NTRK2: variants seen among roughly 807,000 people sequenced by gnomAD.
The protein encoded by NTRK2 is BDNF/NT-3 growth factors receptor.
Under a neutral mutation model 94.5 loss-of-function variants are expected in NTRK2, and 13 were observed. That is an observed-to-expected ratio of 0.14 (90% CI 0.09 to 0.22). The LOEUF (loss-of-function observed/expected upper bound fraction) is 0.22. NTRK2 is among the 10% of genes least tolerant of loss of function. The pLI, the probability that NTRK2 is intolerant of heterozygous loss-of-function variation, is 1.00. For synonymous variants in NTRK2, 372 were observed against 407.4 expected, an observed-to-expected ratio of 0.91 and a Z score of 1.05; for missense variants, 639 against 1,071.2, an observed-to-expected ratio of 0.60 and a Z score of 5.63.
intron 15 of NTRK2, among the ~76,000 whole-genome samples, chr9:84,936,426 G>T (rs1452903131): frequency 3.9e-5 from 6 of 152,166 alleles, no homozygotes; most frequent in Non-Finnish European, 2.9e-5. Flanking sequence ...AGCTGGGTTG[G>T]CATTAAAAGA....
At chr9:84,895,137 A>T (rs1167441861) in intron 14 of NTRK2, among the ~76,000 whole-genome samples, 1 of 152,188 alleles carries the variant, frequency 6.6e-6, no homozygotes, top group African/African-American at 2.4e-5. Context: ...TGGACTTCGT[A>T]CTCTTAAAAA....
intron 12 of NTRK2, among the ~76,000 whole-genome samples, chr9:84,857,228 C>T (rs774882670): frequency 6.6e-6 from 1 of 152,094 alleles, no homozygotes; most frequent in Non-Finnish European, 1.5e-5. Flanking sequence ...CTTTCTTCAA[C>T]ATGAGATGGA....
intron 17 of NTRK2, among the ~76,000 whole-genome samples, chr9:85,012,525 A>C (rs1343339627): frequency 6.6e-6 from 1 of 152,122 alleles, no homozygotes; most frequent in African/African-American, 2.4e-5. Context: ...GGAATCACCT[A>C]AGGGTTTTGA....
At chr9:84,710,187 G>T (rs1308672796) in intron 5 of NTRK2, among the ~76,000 whole-genome samples, 3 of 152,142 alleles carry the variant, frequency 2.0e-5, no homozygotes, top group East Asian at 3.8e-4. Context: ...AAATTGTTCT[G>T]CCCCCTGCTG....
chr9:84,972,202 T>A (rs1339903193), intron 17 of NTRK2, among the ~76,000 whole-genome samples: 1 of 152,068 alleles, frequency 6.6e-6, no homozygotes, highest in Non-Finnish European at 1.5e-5. Flanking sequence ...TAGATGAGGA[T>A]AGAGGTTCTA....
intron 12 of NTRK2, among the ~76,000 whole-genome samples, chr9:84,773,477 C>T (rs1339046356): frequency 6.6e-6 from 1 of 152,140 alleles, no homozygotes; most frequent in Non-Finnish European, 1.5e-5. Flanking sequence ...GGGATTAGTG[C>T]GGGGTTCCCT....
intron 12 of NTRK2, among the ~76,000 whole-genome samples, chr9:84,847,767 C>G (rs1208875771): frequency 1.3e-5 from 2 of 152,014 alleles, no homozygotes; most frequent in Non-Finnish European, 2.9e-5. Flanking sequence ...CATAGGTTGC[C>G]TGGGAGTTGG....
chr9:85,020,033 C>T (rs1832645421), intron 17 of NTRK2, among the ~76,000 whole-genome samples, 173 bp from the exon 18 acceptor site: 1 of 152,142 alleles, frequency 6.6e-6, no homozygotes, highest in Non-Finnish European at 1.5e-5. Flanking sequence ...TCACTCTTTG[C>T]CTTCTGTCTC....
At chr9:84,755,319 T>C (rs1315122643) in intron 12 of NTRK2, among the ~76,000 whole-genome samples, 2 of 152,198 alleles carry the variant, frequency 1.3e-5, no homozygotes, top group South Asian at 2.1e-4. Context: ...ATATTTGTGG[T>C]GTTCATCTTT....
At chr9:84,856,217 A>C (rs2075055295) in intron 12 of NTRK2, among the ~76,000 whole-genome samples, 1 of 152,222 alleles carries the variant, frequency 6.6e-6, no homozygotes, top group Non-Finnish European at 1.5e-5. Flanking sequence ...TCAGGAGGAT[A>C]CAATACCCTT....
intron 14 of NTRK2, among the ~76,000 whole-genome samples, chr9:84,911,965 A>T (rs546619689): frequency 6.6e-6 from 1 of 152,230 alleles, no homozygotes; most frequent in East Asian, 1.9e-4. Context: ...ATTTAGCTCA[A>T]TGCAATTTTT....
At chr9:84,867,192 C>A (rs2132054739) in intron 13 of NTRK2, 51 bp from the exon 14 acceptor site, 2 of 1,561,978 alleles carry the variant, frequency 1.3e-6, no homozygotes, top group Non-Finnish European at 1.8e-6. Flanking sequence ...TGAATTACAG[C>A]TCAATAAAGC....
intron 12 of NTRK2, among the ~76,000 whole-genome samples, chr9:84,805,048 C>T (rs2070948696): frequency 6.6e-6 from 1 of 152,160 alleles, no homozygotes; most frequent in Admixed American, 6.5e-5. Context: ...GATGCATTCC[C>T]CATCCTCTGT....
chr9:84,924,588 T>C (rs2077693025), intron 14 of NTRK2, among the ~76,000 whole-genome samples: 1 of 152,196 alleles, frequency 6.6e-6, no homozygotes, highest in African/African-American at 2.4e-5. Flanking sequence ...ATTTTGGCTG[T>C]TCGGGGATGT....
In NTRK2 at chr9:84,857,824, A is replaced by G. The variant is rs79844198; in HGVS notation, c.1397-3216A>G. On this transcript the variant is annotated intron_variant, in intron 12 of 18. Coordinates refer to ENST00000277120, the MANE Select transcript of NTRK2 (RefSeq NM_006180.6). ...GGTAGAGAGTCCAGTTTCCATTCTC[A>G]GATTGATCTATGGGCTCTAGAATTT... Among the ~76,000 whole-genome samples the G allele has an allele frequency of 2.4e-4, 36 of 152,234 alleles. No individual in the cohort carries two copies. In the East Asian group the frequency reaches 5.8e-3, roughly 25 times the overall value.
intron 14 of NTRK2, chr9:84,877,668 C>T: frequency 9.4e-7 from 1 of 1,063,792 alleles, no homozygotes; most frequent in Non-Finnish European, 1.1e-6. Flanking sequence ...AACTTTATTT[C>T]CCTCTCCCAC....
At chr9:84,944,323 C>T (rs942317870) in intron 15 of NTRK2, among the ~76,000 whole-genome samples, 10 of 147,084 alleles carry the variant, frequency 6.8e-5, no homozygotes, top group South Asian at 2.1e-4. Context: ...AGTGCAGTGG[C>T]GTGCTGTCTG....
At chr9:84,799,298 G>C (rs1365653840) in intron 12 of NTRK2, among the ~76,000 whole-genome samples, 1 of 151,854 alleles carries the variant, frequency 6.6e-6, no homozygotes, top group Non-Finnish European at 1.5e-5. Context: ...GTTCTCCTAA[G>C]TCAGATAAAA....
intron 14 of NTRK2, among the ~76,000 whole-genome samples, chr9:84,881,572 G>A (rs1306380197): frequency 6.6e-6 from 1 of 152,210 alleles, no homozygotes; most frequent in East Asian, 1.9e-4. Flanking sequence ...GTAGTAAACT[G>A]AATGAACAAA....
Sources: allele counts gnomAD v4.1 joint callset (sites outside exome capture counted in the v4.1 genomes callset), GRCh38; gene constraint gnomAD v4.1.1; transcripts MANE v1.5; gene names NCBI Gene and HGNC (gene_info 2026-07-23, HGNC 2026-07-21).